Variants in APAF1 observed in about 807,000 individuals in gnomAD.
APAF1 encodes apoptotic protease-activating factor 1.
A neutral mutation model predicts 152.4 loss-of-function variants in APAF1; 91 were observed. The observed-to-expected ratio is 0.60, with a 90% confidence interval of 0.50 to 0.71. The LOEUF (loss-of-function observed/expected upper bound fraction) is 0.71, where lower values mean the gene tolerates loss of function less well. Ranked by LOEUF, APAF1 falls within the 30% of genes least tolerant of loss-of-function variation. The probability of loss-of-function intolerance (pLI) is 0.00; values close to 1 mark genes in which losing one functional copy is unlikely to be tolerated. For missense variants in APAF1, 1,283 were observed against 1,472.0 expected (o/e 0.87, Z 2.10); for synonymous variants, 484 against 494.1 (o/e 0.98, Z 0.27).
At chr12:98,687,927 C>T (rs1158394073) in intron 16 of APAF1, among the ~76,000 whole-genome samples, 3 of 152,016 alleles carry the variant, frequency 2.0e-5, no homozygotes, top group Non-Finnish European at 2.9e-5. Flanking sequence ...TTCTCGTGCC[C>T]CAGTCTCCCA....
intron 16 of APAF1, 108 bp downstream of exon 16, chr12:98,686,981 T>G: frequency 1.8e-6 from 2 of 1,099,356 alleles, no homozygotes; most frequent in South Asian, 2.7e-5. Flanking sequence ...AAGAGCCTGC[T>G]TCTTTCAATT....
chr12:98,699,384 C>A (rs1565882340), intron 16 of APAF1, 24 bp from the exon 17 acceptor site: 1 of 1,609,296 alleles, frequency 6.2e-7, no homozygotes, highest in East Asian at 2.2e-5. Context: ...CAAACTTTTT[C>A]TTTTTTATTA....
rs768970288 is a variant in APAF1 at position 98,671,718 on chromosome 12, A to T, written c.1792A>T (p.Ile598Leu). The change falls in exon 12 of 27, where the codon ATA becomes TTA. Residue 598 changes from isoleucine (I) to leucine (L), a missense_variant and splice_region_variant. Coordinates refer to ENST00000551964, the MANE Select transcript of APAF1 (RefSeq NM_181861.2). ...VDNGMLYLEW[I>L]NKKNITNLSR... ...TAATGGAATGCTTTACCTGGAATGG[A>T]TGTAAGTAGGTTAGGAGAGAAACCA... 3 of 1,614,038 alleles carry T rather than the reference A, an allele frequency of 1.9e-6. No individual in the cohort carries two copies. Among genetic ancestry groups the T allele is most frequent in the Non-Finnish European group, 2.5e-6 (3 of 1,179,944 alleles).
intron 4 of APAF1, among the ~76,000 whole-genome samples, chr12:98,653,755 A>C (rs1356874487): frequency 5.4e-5 from 7 of 129,966 alleles, no homozygotes; most frequent in Non-Finnish European, 9.5e-5. Context: ...ATACAGTTTT[A>C]AGTAACCCAG....
intron 21 of APAF1, among the ~76,000 whole-genome samples, chr12:98,713,789 A>G (rs1299374604): frequency 1.3e-5 from 2 of 152,158 alleles, no homozygotes; most frequent in Non-Finnish European, 2.9e-5. Flanking sequence ...ATTCATTTTC[A>G]TAAGGAATTA....
At chr12:98,696,965 C>T (rs905466344) in intron 16 of APAF1, among the ~76,000 whole-genome samples, 1 of 152,156 alleles carries the variant, frequency 6.6e-6, no homozygotes. Context: ...ACAGATGAAC[C>T]ATGAAAATCA....
chr12:98,723,123 A>C, intron 22 of APAF1, 70 bp from the exon 23 acceptor site: 1 of 1,518,466 alleles, frequency 6.6e-7, no homozygotes, highest in Non-Finnish European at 9.1e-7. Flanking sequence ...GAGAATGTAC[A>C]CTCTCTCCAC....
rs78596065 is a variant in APAF1 at position 98,652,374 on chromosome 12, C to G, written c.526+2690C>G. On this transcript the variant is annotated intron_variant, in intron 4 of 26. Transcript: ENST00000551964. ...CTTGTGCAGTGACGGTTGGTATGATCCAGCTTTGTAATTTTTGCCAGGCAA... is the reference window on the plus strand; with the variant it reads ...CTTGTGCAGTGACGGTTGGTATGATGCAGCTTTGTAATTTTTGCCAGGCAA... Among the ~76,000 whole-genome samples, 598 of 152,280 alleles carry G rather than the reference C, an allele frequency of 3.9e-3. 2 individuals carry two copies. Among genetic ancestry groups the G allele is most frequent in the Non-Finnish European group, 6.7e-3 (454 of 68,028 alleles).
At chr12:98,728,575 G>T (rs2097754759) in intron 26 of APAF1, among the ~76,000 whole-genome samples, 2 of 152,062 alleles carry the variant, frequency 1.3e-5, no homozygotes, top group African/African-American at 4.8e-5. Flanking sequence ...ACAAAAATTA[G>T]CTGGGTTTTG....
At chr12:98,717,397 C>T (rs1271041513) in intron 22 of APAF1, among the ~76,000 whole-genome samples, 3 of 149,214 alleles carry the variant, frequency 2.0e-5, no homozygotes, top group East Asian at 2.0e-4. Context: ...TTTTTTGAGA[C>T]GGAGTTTCAC....
intron 12 of APAF1, among the ~76,000 whole-genome samples, chr12:98,673,912 A>G (rs567233666): frequency 6.6e-6 from 1 of 152,376 alleles, no homozygotes; most frequent in Non-Finnish European, 1.5e-5. Flanking sequence ...GAGGAATTCA[A>G]GGGAGGGTTC....
chr12:98,699,041 C>T (rs1257371274), intron 16 of APAF1, among the ~76,000 whole-genome samples: 2 of 152,166 alleles, frequency 1.3e-5, no homozygotes, highest in Non-Finnish European at 2.9e-5. Context: ...GTGAAACACA[C>T]TTCATTCCTG....
chr12:98,695,936 T>C (rs1393071043), intron 16 of APAF1, among the ~76,000 whole-genome samples: 1 of 152,248 alleles, frequency 6.6e-6, no homozygotes, highest in Non-Finnish European at 1.5e-5. Context: ...CACTGCAGGC[T>C]CAGAATTTAA....
chr12:98,725,570 CT>C (rs757186699), intron 25 of APAF1, 30 bp downstream of exon 25: 2 of 1,613,760 alleles, frequency 1.2e-6, no homozygotes, highest in Non-Finnish European at 1.7e-6. Context: ...GAGAGCACTG[CT>C]CTTCTTGTAG....
In APAF1 at chr12:98,699,439, A is replaced by G. The variant is rs780723168; in HGVS notation, c.2336A>G (p.Lys779Arg). The G allele has an allele frequency of 1.2e-6, 2 of 1,614,146 alleles. No individual in the cohort carries two copies. Among genetic ancestry groups the G allele is most frequent in the South Asian group, 2.2e-5 (2 of 91,066 alleles). Residue 779 changes from lysine (K) to arginine (R), a missense_variant, in exon 17 of 27, where the codon AAA becomes AGA. Coordinates refer to ENST00000551964, the MANE Select transcript of APAF1 (RefSeq NM_181861.2). ...LWDATSANER[K>R]SINVKQFFLN... ...GATGCGACATCAGCAAATGAGAGGA[A>G]AAGCATTAATGTGAAACAGTTCTTC...
intron 20 of APAF1, among the ~76,000 whole-genome samples, chr12:98,709,422 G>A (rs145478792): frequency 1.3e-5 from 2 of 152,226 alleles, no homozygotes; most frequent in East Asian, 3.9e-4. Context: ...GTATTCAGGA[G>A]CTCGGAGTGG....
At position 98,723,733 on chromosome 12, in the gene APAF1, T is replaced by C; in HGVS notation, c.3299T>C (p.Phe1100Ser). 2 of 1,613,914 alleles carry C rather than the reference T, an allele frequency of 1.2e-6. No homozygotes were observed. The highest frequency in any genetic ancestry group is 1.7e-6 in the Non-Finnish European group (2 of 1,179,894). ...GACATTTCTCACGATGCTACCAAGT[T>C]TTCATCTACCTCTGCTGACAAGACT... ...SCDISHDATK[F>S]SSTSADKTAK... is the part of the protein sequence containing the mutation. The change falls in exon 24 of 27, where the codon TTT (phenylalanine) becomes TCT (serine). Residue 1100 changes from phenylalanine (F) to serine (S), a missense_variant. Phe to Ser is a radical substitution (Grantham distance 155). Coordinates refer to ENST00000551964, the MANE Select transcript of APAF1 (RefSeq NM_181861.2).
chr12:98,664,233 A>C (rs376721744), intron 7 of APAF1, among the ~76,000 whole-genome samples: 1 of 150,962 alleles, frequency 6.6e-6, no homozygotes, highest in Non-Finnish European at 1.5e-5. Flanking sequence ...TGGCCAGGGT[A>C]GTCTTGAACT....
chr12:98,689,451 A>T (rs1370549825), intron 16 of APAF1, among the ~76,000 whole-genome samples: 1 of 145,200 alleles, frequency 6.9e-6, no homozygotes, highest in African/African-American at 2.6e-5. Flanking sequence ...AGAGAGAGAG[A>T]GAGAGAGAGA....
Sources: gnomAD v4.1 joint callset for allele counts (sites outside exome capture counted in the v4.1 genomes callset) on GRCh38, gnomAD v4.1.1 for gene constraint, MANE v1.5 for transcripts, NCBI Gene and HGNC (gene_info 2026-07-23, HGNC 2026-07-21) for gene names.